The following STK32B variants were observed in gnomAD, a reference collection of about 807,000 sequenced individuals.
The protein encoded by STK32B is serine/threonine-protein kinase 32B.
STK32B carries 43 observed loss-of-function variants against 52.6 expected under a neutral mutation model. The observed-to-expected ratio is 0.82, with a 90% CI of 0.64 to 1.05. The LOEUF is 1.05. Ranked by LOEUF, STK32B falls within the 50% of genes least tolerant of loss-of-function variation. The pLI, the probability that STK32B is intolerant of heterozygous loss-of-function variation, is 0.00. For missense variants in STK32B, 621 were observed against 534.6 expected, an observed-to-expected ratio of 1.16 and a Z score of -1.59; for synonymous variants, 238 against 204.3, an observed-to-expected ratio of 1.17 and a Z score of -1.41.
intron 6 of STK32B, among the ~76,000 whole-genome samples, chr4:5,423,777 T>C (rs1712839574): frequency 6.6e-6 from 1 of 152,062 alleles, no homozygotes; most frequent in Non-Finnish European, 1.5e-5. Context: ...GACACTGCAG[T>C]GAGTCCAGAG....
At chr4:5,238,699 G>A (rs367621217) in intron 3 of STK32B, among the ~76,000 whole-genome samples, 15 of 152,258 alleles carry the variant, frequency 9.9e-5, no homozygotes, top group Admixed American at 8.5e-4. Flanking sequence ...AAAGGCCAGC[G>A]TTTAGAATCA....
At chr4:5,435,263 C>T (rs144631126) in intron 6 of STK32B, among the ~76,000 whole-genome samples, 1 of 152,320 alleles carries the variant, frequency 6.6e-6, no homozygotes, top group African/African-American at 2.4e-5. Flanking sequence ...ATAATCTAAG[C>T]AGGTGTAACT....
At chr4:5,063,250 G>A (rs985127484) in intron 1 of STK32B, among the ~76,000 whole-genome samples, 1 of 152,142 alleles carries the variant, frequency 6.6e-6, no homozygotes, top group African/African-American at 2.4e-5. Flanking sequence ...CATCAGCACT[G>A]TTCTATAGAA....
chr4:5,025,776 G>A, the STK32B span, among the ~76,000 whole-genome samples: 1 of 152,184 alleles, frequency 6.6e-6, no homozygotes, highest in Non-Finnish European at 1.5e-5. Flanking sequence ...TCAGACTATG[G>A]TACTGGCCCA....
intron 6 of STK32B, among the ~76,000 whole-genome samples, chr4:5,444,467 C>G (rs1167926763): frequency 1.3e-5 from 2 of 152,294 alleles, no homozygotes; most frequent in East Asian, 3.9e-4. Flanking sequence ...GGCTCGCGCA[C>G]TGTGCGCACA....
intron 6 of STK32B, among the ~76,000 whole-genome samples, chr4:5,418,702 T>G (rs891269672): frequency 2.0e-5 from 3 of 152,222 alleles, no homozygotes; most frequent in Non-Finnish European, 4.4e-5. Flanking sequence ...CTGTCTGTCA[T>G]TCAGCAGTGA....
Position 5,378,674 on chromosome 4 carries a change from C to T in STK32B, c.435-19533C>T, listed in dbSNP as rs942545783. Among the ~76,000 whole-genome samples, 1 of 152,052 alleles carries T rather than the reference C, an allele frequency of 6.6e-6. No homozygotes were observed. Among genetic ancestry groups the T allele is most frequent in the African/African-American group, 2.4e-5 (1 of 41,400 alleles). On this transcript the variant is annotated intron_variant, in intron 4 of 11. Transcript: ENST00000282908. This position sits in a 1 kb window ranked among gnomAD's most constrained non-coding sequence, Gnocchi z 4.4. ...GGTACATGAGATGTTTTGATACAGA[C>T]ATGCAGTGTGAAATAAGCACATCGT... is the stretch of plus-strand genomic sequence containing the variant.
chr4:5,122,551 ACTCATTCACTCACTCACTTG>A (rs554734762), intron 1 of STK32B, among the ~76,000 whole-genome samples: 107 of 147,614 alleles, frequency 7.2e-4, no homozygotes, highest in Non-Finnish European at 1.2e-3. Flanking sequence ...TCTTTTACTC[ACTCATTCACTCACTCACTTG>A]CTCATTCACT....
chr4:5,044,903 C>G, the STK32B span, among the ~76,000 whole-genome samples: 3 of 152,126 alleles, frequency 2.0e-5, no homozygotes, highest in African/African-American at 7.2e-5. Flanking sequence ...AGAGTGAGAT[C>G]CTGTCTCAAA....
intron 1 of STK32B, among the ~76,000 whole-genome samples, chr4:5,135,938 G>A (rs985138490): frequency 2.6e-5 from 4 of 152,126 alleles, no homozygotes; most frequent in African/African-American, 7.2e-5. Flanking sequence ...TAATTAGATC[G>A]GTAGTTCCCA....
At chr4:5,075,127 G>A (rs1577051335) in intron 1 of STK32B, among the ~76,000 whole-genome samples, 1 of 152,196 alleles carries the variant, frequency 6.6e-6, no homozygotes, top group East Asian at 1.9e-4. Context: ...TAATTTTTGT[G>A]TATTGTTATT....
At chr4:5,265,724 A>G (rs1197613533) in intron 3 of STK32B, among the ~76,000 whole-genome samples, 1 of 152,012 alleles carries the variant, frequency 6.6e-6, no homozygotes, top group East Asian at 1.9e-4. Flanking sequence ...GACTGTTTTC[A>G]TTTTCTCCCT....
At chr4:5,318,954 C>T (rs543962524) in intron 3 of STK32B, among the ~76,000 whole-genome samples, 67 of 152,176 alleles carry the variant, frequency 4.4e-4, no homozygotes, top group African/African-American at 1.3e-3. Context: ...TGCCCGCCAC[C>T]ATGCCCAGCT....
At chr4:5,258,192 A>G (rs1208961154) in intron 3 of STK32B, among the ~76,000 whole-genome samples, 2 of 152,164 alleles carry the variant, frequency 1.3e-5, no homozygotes, top group Admixed American at 1.3e-4. Flanking sequence ...GTCAGAATAA[A>G]ACAAAAAATT....
chr4:5,488,499 A>G (rs1422044138), intron 11 of STK32B, among the ~76,000 whole-genome samples: 1 of 152,146 alleles, frequency 6.6e-6, no homozygotes, highest in Non-Finnish European at 1.5e-5. Context: ...CAGTTGTTAG[A>G]AAGGTTATCA....
chr4:5,372,301 T>A (rs1448493949), intron 4 of STK32B, among the ~76,000 whole-genome samples: 1 of 152,164 alleles, frequency 6.6e-6, no homozygotes, highest in South Asian at 2.1e-4. Flanking sequence ...ACCTTTTGAA[T>A]CATGCTGTAG....
chr4:5,023,564 C>T, the STK32B span, among the ~76,000 whole-genome samples: 5 of 152,162 alleles, frequency 3.3e-5, no homozygotes, highest in African/African-American at 9.7e-5. Context: ...TTATGCAGAA[C>T]GGAGGTGTGG....
Position 5,456,660 on chromosome 4 carries a change from G to A in STK32B, c.667-147G>A, listed in dbSNP as rs1716547811. 17 of 716,918 alleles carry A rather than the reference G, an allele frequency of 2.4e-5. 1 individual carries two copies. In the South Asian group the frequency reaches 3.6e-4, roughly 15 times the overall value. 44.4% of individuals were successfully genotyped at this position (716,918 alleles called of 1,614,324 possible). ...GGTTACTGTTGGCACTTGGGTTCGG[G>A]CCACCTGCTCTGCCGTGAAAGAGAA... is the stretch of plus-strand genomic sequence containing the variant. On this transcript the variant is annotated intron_variant, in intron 7 of 11. Transcript: ENST00000282908.
chr4:5,105,815 G>A (rs1057350379), intron 1 of STK32B, among the ~76,000 whole-genome samples: 4 of 151,550 alleles, frequency 2.6e-5, no homozygotes, highest in Admixed American at 6.6e-5. Context: ...CACCCGCCTC[G>A]GCCACCCAAA....
Sources: allele counts gnomAD v4.1 joint callset (sites outside exome capture counted in the v4.1 genomes callset), GRCh38; gene constraint gnomAD v4.1.1; non-coding constraint Gnocchi (gnomAD v3.1); transcripts MANE v1.5; gene names NCBI Gene and HGNC (gene_info 2026-07-23, HGNC 2026-07-21).